Variants in STK32C observed in about 807,000 individuals in gnomAD.
The protein encoded by STK32C is serine/threonine-protein kinase 32C.
Under a neutral mutation model 56.5 loss-of-function variants are expected in STK32C, and 31 were observed. That is an observed-to-expected ratio of 0.55 (90% confidence interval 0.41 to 0.74). STK32C has a LOEUF of 0.74. STK32C is among the 30% of genes least tolerant of loss of function. The pLI, the probability that STK32C is intolerant of heterozygous loss-of-function variation, is 0.00. For missense variants in STK32C, 544 were observed against 676.9 expected, an observed-to-expected ratio of 0.80 and a Z score of 2.18; for synonymous variants, 309 against 289.4, an observed-to-expected ratio of 1.07 and a Z score of -0.69.
intron 2 of STK32C, among the ~76,000 whole-genome samples, chr10:132,233,404 C>T (rs1341269588): frequency 6.6e-6 from 1 of 152,230 alleles, no homozygotes; most frequent in Non-Finnish European, 1.5e-5. Context: ...GTCCCAGGTC[C>T]CTCTCCCTGG....
intron 1 of STK32C, 50 bp from the exon 2 acceptor site, chr10:132,246,005 C>A: frequency 3.2e-6 from 5 of 1,571,854 alleles, no homozygotes; most frequent in Non-Finnish European, 4.4e-6. Context: ...CAAGGCCCCA[C>A]CCCAGAGCAG....
chr10:132,283,102 G>A (rs2065266247), intron 1 of STK32C, among the ~76,000 whole-genome samples: 1 of 152,260 alleles, frequency 6.6e-6, no homozygotes, highest in African/African-American at 2.4e-5. Context: ...GACAGAGCAG[G>A]GAGAGGCGTG....
At chr10:132,258,188 TG>T (rs1025880894) in intron 1 of STK32C, among the ~76,000 whole-genome samples, 2 of 152,192 alleles carry the variant, frequency 1.3e-5, no homozygotes, top group African/African-American at 4.8e-5. Context: ...CTGCCTCTCC[TG>T]GATCTGCAGT....
downstream of STK32C, among the ~76,000 whole-genome samples, chr10:132,323,702 T>C (rs1007992057): frequency 1.3e-5 from 2 of 152,222 alleles, no homozygotes; most frequent in African/African-American, 4.8e-5. This position sits in a 1 kb window ranked among gnomAD's most constrained non-coding sequence, Gnocchi z 4.8. Flanking sequence ...TAAACCATTT[T>C]GCACCCAAGT....
intron 10 of STK32C, among the ~76,000 whole-genome samples, chr10:132,215,421 T>C (rs1417779810): frequency 2.0e-5 from 3 of 151,990 alleles, no homozygotes; most frequent in Non-Finnish European, 4.4e-5. Context: ...TGGGAGGTGA[T>C]TGAATTATGG....
At chr10:132,283,661 G>A (rs551936508) in intron 1 of STK32C, among the ~76,000 whole-genome samples, 20 of 152,342 alleles carry the variant, frequency 1.3e-4, no homozygotes, top group African/African-American at 4.6e-4. Context: ...CATCTGCAGA[G>A]CTGAAGAGAG....
intron 1 of STK32C, among the ~76,000 whole-genome samples, chr10:132,267,527 GTGCA>G (rs2064592104): frequency 6.6e-6 from 1 of 150,960 alleles, no homozygotes; most frequent in Non-Finnish European, 1.5e-5. Context: ...GTCAGTGTGT[GTGCA>G]TGCATGTTCA....
At chr10:132,216,098 G>A (rs1410041698) in intron 10 of STK32C, among the ~76,000 whole-genome samples, 1 of 152,216 alleles carries the variant, frequency 6.6e-6, no homozygotes, top group Non-Finnish European at 1.5e-5. Flanking sequence ...CTTGGGTGCT[G>A]TTAAAGGCAT....
exon 2 of STK32C, chr10:132,324,354 G>A (rs1439879780): frequency 1.3e-6 from 1 of 779,126 alleles, no homozygotes. Context: ...TCCCAGTCCT[G>A]GGGTGTGCTC....
chr10:132,316,730 T>G (rs2066317099), intron 1 of STK32C, among the ~76,000 whole-genome samples: 1 of 152,024 alleles, frequency 6.6e-6, no homozygotes, highest in Non-Finnish European at 1.5e-5. Flanking sequence ...ATATTAGAAA[T>G]GAAGAAAAGG....
intron 10 of STK32C, among the ~76,000 whole-genome samples, chr10:132,215,415 A>C (rs530187440): frequency 9.9e-5 from 15 of 152,066 alleles, no homozygotes; most frequent in Non-Finnish European, 2.2e-4. Flanking sequence ...ACCCAGTGGG[A>C]GGTGATTGAA....
intron 1 of STK32C, among the ~76,000 whole-genome samples, chr10:132,270,166 G>A (rs1182071660): frequency 1.3e-5 from 2 of 152,258 alleles, no homozygotes; most frequent in Non-Finnish European, 2.9e-5. Context: ...GCCTGTGGGT[G>A]GCTGAACAAT....
intron 1 of STK32C, among the ~76,000 whole-genome samples, chr10:132,278,692 G>A (rs1013988531): frequency 1.3e-5 from 2 of 151,214 alleles, no homozygotes; most frequent in Non-Finnish European, 2.9e-5. Context: ...CCCGGGAGGC[G>A]GAGCTTGCAG....
intron 1 of STK32C, among the ~76,000 whole-genome samples, chr10:132,262,686 G>A (rs997689652): frequency 6.6e-6 from 1 of 150,446 alleles, no homozygotes; most frequent in Non-Finnish European, 1.5e-5. Context: ...GCTGAGGTGT[G>A]TGGATCACGA....
At chr10:132,280,476 C>T (rs377591423) in intron 1 of STK32C, among the ~76,000 whole-genome samples, 8 of 146,280 alleles carry the variant, frequency 5.5e-5, no homozygotes, top group African/African-American at 2.0e-4. Context: ...CCCCTGCACT[C>T]CGTGATCATG....
chr10:132,324,337 G>A (rs781382322), exon 2 of STK32C: 1 of 779,472 alleles, frequency 1.3e-6, no homozygotes, highest in African/African-American at 1.7e-5. Context: ...ACATCTTCCT[G>A]GCAAAATCCC....
At chr10:132,225,160 C>T (rs878910523) in intron 7 of STK32C, 73 bp downstream of exon 7, 2 of 1,286,100 alleles carry the variant, frequency 1.6e-6, no homozygotes, top group South Asian at 1.5e-5. Flanking sequence ...GGCAGCCACC[C>T]CCTCCCCAGC....
At chr10:132,222,106 C>T (rs1315520921) in intron 10 of STK32C, among the ~76,000 whole-genome samples, 1 of 144,000 alleles carries the variant, frequency 6.9e-6, no homozygotes, top group Non-Finnish European at 1.5e-5. Flanking sequence ...ATGGCCGTCC[C>T]CACACACACA....
chr10:132,254,317 A>G (rs1490154791), intron 1 of STK32C, among the ~76,000 whole-genome samples: 1 of 152,256 alleles, frequency 6.6e-6, no homozygotes, highest in African/African-American at 2.4e-5. Flanking sequence ...CAGGGGAGAA[A>G]AAAACAACAA....
Sources: gnomAD v4.1 joint callset for allele counts (sites outside exome capture counted in the v4.1 genomes callset) on GRCh38, gnomAD v4.1.1 for gene constraint, Gnocchi (gnomAD v3.1) non-coding constraint, MANE v1.5 for transcripts, NCBI Gene and HGNC (gene_info 2026-07-23, HGNC 2026-07-21) for gene names.